Variants in COL11A2 observed in about 807,000 individuals in gnomAD.
COL11A2 encodes collagen type XI alpha 2 chain, also known as collagen alpha-2(XI) chain.
COL11A2 carries 116 observed loss-of-function variants against 273.4 expected under a neutral mutation model. The observed-to-expected ratio is 0.42, with a 90% CI of 0.36 to 0.49. COL11A2 has a LOEUF of 0.49. Ranked by LOEUF, COL11A2 falls within the 20% of genes least tolerant of loss-of-function variation. COL11A2 has a pLI of 0.00. For synonymous variants in COL11A2, 782 were observed against 864.2 expected (o/e 0.90, Z 1.67); for missense variants, 1,866 against 2,309.0 (o/e 0.81, Z 3.93).
At position 33,176,724 on chromosome 6, in the gene COL11A2, G is replaced by C. The variant is rs1306404108; in HGVS notation, c.2112C>G (p.Asn704Lys). Residue 704 changes from asparagine to lysine, a missense_variant, in exon 26 of 66, where the codon AAC becomes AAG. Coordinates refer to ENST00000341947, the MANE Select transcript of COL11A2 (RefSeq NM_080680.3). This position sits in a 1 kb window ranked among gnomAD's most constrained non-coding sequence, Gnocchi z 4.9. ...GKEGPPGTKGNQGPSGPQGPL... is the reference protein window; with the variant it reads ...GKEGPPGTKGKQGPSGPQGPL... ...ATAAAGACATGGAAGATCTCACCTG[G>C]TTTCCTTTGGTTCCAGGGGGACCTT... 3 of 1,613,010 alleles carry C rather than the reference G, an allele frequency of 1.9e-6. No individual in the cohort carries two copies. The highest frequency in any genetic ancestry group is 2.5e-6 in the Non-Finnish European group (3 of 1,179,604).
rs771888326 is a variant in COL11A2 at position 33,166,548 on chromosome 6, C to T, written c.4357G>A (p.Gly1453Ser). ...GGGGGACCTCCAGGACCAATGGGGCCGGATGCTCCTGGGATACCCTAGGAA... is the reference window on the plus strand; with the variant it reads ...GGGGGACCTCCAGGACCAATGGGGCTGGATGCTCCTGGGATACCCTAGGAA... ...KGEMGIPGAS[G>S]PIGPGGPPGL... The change falls in exon 60 of 66, where the codon GGC becomes AGC. Residue 1453 changes from glycine (G) to serine (S), a missense_variant. Transcript: ENST00000341947. The surrounding 1 kb of genome is among the most constrained non-coding windows in gnomAD (Gnocchi z 4.8). 1.4e-5 allele frequency: 22 copies of T among 1,613,770 alleles called. No homozygotes were observed. Among genetic ancestry groups the T allele is most frequent in the South Asian group, 2.2e-5 (2 of 91,078 alleles).
In COL11A2 at chr6:33,167,934, C is replaced by A; in HGVS notation, c.3961-82G>T. 1 of 1,458,140 alleles carries A rather than the reference C, an allele frequency of 6.9e-7. No homozygotes were observed. The highest frequency in any genetic ancestry group is 9.5e-7 in the Non-Finnish European group (1 of 1,047,972). The allele number at this position is 1,458,140 out of a possible 1,614,324, so 90.3% of individuals were successfully genotyped here. A position where few individuals can be genotyped will look rare whatever the true frequency, so the allele number is the denominator to read the frequency against. On this transcript the variant is annotated intron_variant, in intron 54 of 65. Transcript: ENST00000341947. This position sits in a 1 kb window ranked among gnomAD's most constrained non-coding sequence, Gnocchi z 6.1. ...CTTCCCCCTTCCTGTCCTAGACACA[C>A]ACATACACATGCACACACACACGTG...
At chr6:33,181,934 AG>A (rs1401181897) in intron 8 of COL11A2, among the ~76,000 whole-genome samples, 5 of 152,364 alleles carry the variant, frequency 3.3e-5, no homozygotes, top group African/African-American at 1.2e-4. Context: ...GATTGTGGGT[AG>A]ATTTTTATTT....
chr6:33,168,777 G>A lies in COL11A2; in HGVS notation c.3853-18C>T. ...TCCTGGCCCTGCAGAAGTGAAGCAAGGTCAGAGGTGGGCCCCCAACCTGGC... is the reference window on the plus strand; with the variant it reads ...TCCTGGCCCTGCAGAAGTGAAGCAAAGTCAGAGGTGGGCCCCCAACCTGGC... On this transcript the variant is annotated intron_variant, in intron 52 of 65. Coordinates refer to ENST00000341947, the MANE Select transcript of COL11A2 (RefSeq NM_080680.3). 6.3e-7 allele frequency: 1 copy of A among 1,597,392 alleles called. No individual in the cohort carries two copies. The highest frequency in any genetic ancestry group is 8.5e-7 in the Non-Finnish European group (1 of 1,171,826).
chr6:33,178,983 CA>C lies in COL11A2; in HGVS notation c.1612-11del. ...CAGCACCTGCCCGGCCCTGGGAGAA[CA>C]AGGGAAGTGTCAGAACAAGCAGGGC... On this transcript the variant is annotated splice_polypyrimidine_tract_variant and intron_variant, in intron 16 of 65. Transcript: ENST00000341947. This position sits in a 1 kb window ranked among gnomAD's most constrained non-coding sequence, Gnocchi z 4.6. 6.2e-7 allele frequency: 1 copy of C among 1,614,048 alleles called. No individual in the cohort carries two copies. Among genetic ancestry groups the C allele is most frequent in the African/African-American group, 1.3e-5 (1 of 75,012 alleles).
Position 33,166,091 on chromosome 6 carries a change from G to C in COL11A2, c.4428+80C>G, listed in dbSNP as rs1769091831. ...TGGCTGGAATAAGGGGCTCCTTGGG[G>C]GGAGTCTATTTGTCCTGGAGAGACA... On this transcript the variant is annotated intron_variant, in intron 61 of 65. Transcript: ENST00000341947. The surrounding 1 kb of genome is among the most constrained non-coding windows in gnomAD (Gnocchi z 4.8). The C allele has an allele frequency of 1.4e-5, 22 of 1,601,826 alleles. No individual in the cohort carries two copies. In the South Asian group the frequency reaches 2.4e-4, roughly 18 times the overall value.
At chr6:33,181,742 T>C (rs1164915388) in intron 8 of COL11A2, among the ~76,000 whole-genome samples, 1 of 151,952 alleles carries the variant, frequency 6.6e-6, no homozygotes, top group Non-Finnish European at 1.5e-5. Flanking sequence ...TGCCTTGGCC[T>C]CCTAAAGTGC....
rs369126897 is a variant in COL11A2, at chr6:33,166,767, G to A, written c.4291C>T (p.Arg1431Trp). The change falls in exon 59 of 66, where the codon CGG becomes TGG. Residue 1431 changes from arginine to tryptophan, a missense_variant. Transcript: ENST00000341947. This position sits in a 1 kb window ranked among gnomAD's most constrained non-coding sequence, Gnocchi z 4.8. ...GAGCCCTGAGGCCCAGGAAGTCCCC[G>A]ATCTCCCTTCTCTCCCTGCTCACCC... ...PPGEQGEKGD[R>W]GLPGPQGSPG... 4.4e-5 allele frequency: 71 copies of A among 1,613,440 alleles called. No homozygotes were observed. The highest frequency in any genetic ancestry group is 3.6e-4 in the African/African-American group (27 of 75,010).
At position 33,177,400 on chromosome 6, in the gene COL11A2, G is replaced by A. The variant is rs201383281; in HGVS notation, c.1971+12C>T. On this transcript the variant is annotated intron_variant, in intron 23 of 65. Coordinates refer to ENST00000341947, the MANE Select transcript of COL11A2 (RefSeq NM_080680.3). This position sits in a 1 kb window ranked among gnomAD's most constrained non-coding sequence, Gnocchi z 5.9. Reference sequence around the variant, plus strand: ...CATGAAAATTGGGGAACGGAGTAGGGGCACCGCTCACCTGGGTCCCAGGGG... The same window carrying A: ...CATGAAAATTGGGGAACGGAGTAGGAGCACCGCTCACCTGGGTCCCAGGGG... 154 of 1,612,682 alleles carry A rather than the reference G, an allele frequency of 9.5e-5. No homozygotes were observed. The highest frequency in any genetic ancestry group is 1.3e-4 in the Non-Finnish European group (150 of 1,179,900).
chr6:33,176,708 T>G lies in COL11A2; in HGVS notation c.2115+13A>C. 1 of 1,612,360 alleles carries G rather than the reference T, an allele frequency of 6.2e-7. No homozygotes were observed. The highest frequency in any genetic ancestry group is 8.5e-7 in the Non-Finnish European group (1 of 1,179,130). ...GAGACTCCCTCAGGGGATAAAGACATGGAAGATCTCACCTGGTTTCCTTTG... is the reference window on the plus strand; with the variant it reads ...GAGACTCCCTCAGGGGATAAAGACAGGGAAGATCTCACCTGGTTTCCTTTG... On this transcript the variant is annotated intron_variant, in intron 26 of 65. Coordinates refer to ENST00000341947, the MANE Select transcript of COL11A2 (RefSeq NM_080680.3). This position sits in a 1 kb window ranked among gnomAD's most constrained non-coding sequence, Gnocchi z 4.9.
In COL11A2 at chr6:33,169,233, C is replaced by CA. The variant is rs1414744381; in HGVS notation, c.3798+149dup. The CA allele has an allele frequency of 1.3e-6, 1 of 779,264 alleles. No individual in the cohort carries two copies. Among genetic ancestry groups the CA allele is most frequent in the African/African-American group, 1.7e-5 (1 of 57,450 alleles). 48.3% of individuals were successfully genotyped at this position (779,264 alleles called of 1,614,324 possible). A position where few individuals can be genotyped will look rare whatever the true frequency, so the allele number is the denominator to read the frequency against. The stretch of plus-strand genomic sequence containing the variant: ...CACTTTCTCTCCGGATCCTAGACCC[C>CA]AGGCATCCCTCTGGATGCCCCATTC... On this transcript the variant is annotated intron_variant, in intron 51 of 65. Coordinates refer to ENST00000341947, the MANE Select transcript of COL11A2 (RefSeq NM_080680.3). The surrounding 1 kb of genome is among the most constrained non-coding windows in gnomAD (Gnocchi z 5.5).
rs976216212 is a variant in COL11A2 at position 33,179,658 on chromosome 6, C to G, written c.1446+61G>C. On this transcript the variant is annotated intron_variant, in intron 13 of 65. Transcript: ENST00000341947. This position sits in a 1 kb window ranked among gnomAD's most constrained non-coding sequence, Gnocchi z 6.4. ...AGGCCTCCCCTGCCGCACACTCACT[C>G]CAGCCAACCCTTCCAGTGCCCCCCA... The G allele has an allele frequency of 6.9e-6, 11 of 1,591,774 alleles. No homozygotes were observed. The highest frequency in any genetic ancestry group is 9.4e-6 in the Non-Finnish European group (11 of 1,166,596).
chr6:33,164,248 C>CA lies in COL11A2; in HGVS notation c.5070+18dup, dbSNP rs773733944. 2.0e-5 allele frequency: 33 copies of CA among 1,612,482 alleles called. No homozygotes were observed. The highest frequency in any genetic ancestry group is 5.0e-5 in the Admixed American group (3 of 59,940). ...CTGAGTCTGAGATCAGCCCCCAACC[C>CA]AGCTCTTCCTGTTCCCACCTGGCAG... On this transcript the variant is annotated intron_variant, in intron 65 of 65. Coordinates refer to ENST00000341947, the MANE Select transcript of COL11A2 (RefSeq NM_080680.3). The surrounding 1 kb of genome is among the most constrained non-coding windows in gnomAD (Gnocchi z 4.7).
Position 33,178,950 on chromosome 6 carries a change from G to A in COL11A2, c.1635C>T (p.Ala545=). The change falls in exon 17 of 66, where the codon GCC becomes GCT. Residue 545 remains alanine (A), a synonymous_variant. Transcript: ENST00000341947. The surrounding 1 kb of genome is among the most constrained non-coding windows in gnomAD (Gnocchi z 4.6). ...GRRGRAGADG[A]RGMPGDPGVK... ...CTCCAGGATCTCCAGGCATCCCTCG[G>A]GCTCCATCAGCACCTGCCCGGCCCT... The A allele has an allele frequency of 6.2e-7, 1 of 1,614,030 alleles. No individual in the cohort carries two copies. Among genetic ancestry groups the A allele is most frequent in the African/African-American group, 1.3e-5 (1 of 75,000 alleles).
chr6:33,172,310 C>T lies in COL11A2; in HGVS notation c.2967G>A (p.Glu989=). ...TCACAGCAGTGCCTGGGAGGCCTCT[C>T]TCTCCTGGGAATCCCCTCAGACCAG... The part of the protein sequence containing the change: ...GPAGLRGFPG[E]RGLPGTAGGP... The change falls in exon 40 of 66, where the codon GAG becomes GAA. Residue 989 remains glutamate (E), a synonymous_variant. Transcript: ENST00000341947. 2 of 1,586,986 alleles carry T rather than the reference C, an allele frequency of 1.3e-6. No individual in the cohort carries two copies. Among genetic ancestry groups the T allele is most frequent in the Non-Finnish European group, 1.7e-6 (2 of 1,167,286 alleles).
At chr6:33,193,405 C>G (rs1404942488), upstream of COL11A2, among the ~76,000 whole-genome samples, 7 of 144,214 alleles carry the variant, frequency 4.9e-5, no homozygotes, top group Admixed American at 4.1e-4. Context: ...GCCCCGCCCC[C>G]AGCCTGGCAC....
At chr6:33,175,917 G>A (rs1490928191) in intron 29 of COL11A2, 99 bp downstream of exon 29, 2 of 1,415,888 alleles carry the variant, frequency 1.4e-6, no homozygotes, top group Non-Finnish European at 2.0e-6. Context: ...CTGGAACTGT[G>A]GAGTCTGGAG....
chr6:33,168,448 G>T, intron 54 of COL11A2, 71 bp downstream of exon 54: 1 of 1,532,960 alleles, frequency 6.5e-7, no homozygotes, highest in African/African-American at 1.4e-5. Flanking sequence ...CATCCCACCT[G>T]CCATTGCCCA....
chr6:33,174,185 T>G lies in COL11A2; in HGVS notation c.2464A>C (p.Ser822Arg), dbSNP rs1379556538. The G allele has an allele frequency of 6.3e-7, 1 of 1,580,618 alleles. No homozygotes were observed. Among genetic ancestry groups the G allele is most frequent in the East Asian group, 2.3e-5 (1 of 42,570 alleles). The part of the protein sequence containing the change: ...SLGFPGFPGA[S>R]GEKGARGLSG... ...CTTACCCGGGCTCCCTTCTCTCCAC[T>G]GGCACCAGGAAAGCCAGGAAATCCT... The change falls in exon 32 of 66, where the codon AGT becomes CGT. Residue 822 changes from serine to arginine, a missense_variant. Ser to Arg is a moderately radical substitution (Grantham distance 110). Transcript: ENST00000341947.
Sources: gnomAD v4.1 joint callset for allele counts (sites outside exome capture counted in the v4.1 genomes callset) on GRCh38, gnomAD v4.1.1 for gene constraint, Gnocchi (gnomAD v3.1) non-coding constraint, MANE v1.5 for transcripts, NCBI Gene and HGNC (gene_info 2026-07-23, HGNC 2026-07-21) for gene names.